EPHA6: variants seen among roughly 807,000 people sequenced by gnomAD.
The protein encoded by EPHA6 is EPH receptor A6, also known as ephrin type-A receptor 6.
A neutral mutation model predicts 112.0 loss-of-function variants in EPHA6; 50 were observed. That is an observed-to-expected ratio of 0.45 (90% CI 0.36 to 0.56). EPHA6 has a LOEUF of 0.56. Among genes scored for constraint, EPHA6 ranks in the 20% least tolerant of loss-of-function variants. EPHA6 has a pLI of 0.00. For synonymous variants in EPHA6, 529 were observed against 490.7 expected, an observed-to-expected ratio of 1.08 and a Z score of -1.03; for missense variants, 1,280 against 1,417.4, an observed-to-expected ratio of 0.90 and a Z score of 1.56.
In EPHA6 at chr3:97,685,872, A is replaced by T. The variant is rs544314003; in HGVS notation, c.2785-34389A>T. 7.2e-5 allele frequency among the ~76,000 whole-genome samples: 11 copies of T among 152,316 alleles called. No homozygotes were observed. The South Asian group carries it at 2.3e-3, about 32-fold the overall frequency. On this transcript the variant is annotated intron_variant, in intron 14 of 17. Transcript: ENST00000389672. ...TAGCCAAAGATTACACAATAATCAAATGCAAATCTAAGATTCATATCTAGG... is the reference window on the plus strand; with the variant it reads ...TAGCCAAAGATTACACAATAATCAATTGCAAATCTAAGATTCATATCTAGG...
At chr3:97,175,139 A>G (rs1341331860) in intron 3 of EPHA6, among the ~76,000 whole-genome samples, 1 of 151,912 alleles carries the variant, frequency 6.6e-6, no homozygotes, top group African/African-American at 2.4e-5. Context: ...TCCCAGCACC[A>G]TTTGTTGAAG....
chr3:97,022,348 C>T (rs2044491984), intron 3 of EPHA6, among the ~76,000 whole-genome samples: 1 of 152,172 alleles, frequency 6.6e-6, no homozygotes, highest in Admixed American at 6.5e-5. Context: ...TAGGTAGCAT[C>T]TTCCTTGACT....
chr3:97,462,965 TGAC>T (rs1396426464), intron 7 of EPHA6, among the ~76,000 whole-genome samples: 3 of 152,136 alleles, frequency 2.0e-5, no homozygotes, highest in African/African-American at 7.2e-5. Context: ...TGTGAATCTT[TGAC>T]AACTACTTAT....
chr3:97,133,482 A>G (rs1429275135), intron 3 of EPHA6, among the ~76,000 whole-genome samples: 2 of 152,080 alleles, frequency 1.3e-5, no homozygotes, highest in East Asian at 1.9e-4. Context: ...AGAAAAATGT[A>G]CAGTTGACAC....
At chr3:97,474,570 C>T (rs1390441325) in intron 7 of EPHA6, among the ~76,000 whole-genome samples, 1 of 151,690 alleles carries the variant, frequency 6.6e-6, no homozygotes, top group Non-Finnish European at 1.5e-5. Flanking sequence ...GCCTATTCCA[C>T]TCATTGAAAA....
At chr3:96,833,911 T>C (rs2034243644) in intron 1 of EPHA6, among the ~76,000 whole-genome samples, 1 of 152,046 alleles carries the variant, frequency 6.6e-6, no homozygotes, top group Non-Finnish European at 1.5e-5. Flanking sequence ...ACAAGTATTA[T>C]GTACCCCTAA....
Position 97,714,213 on chromosome 3 carries a change from A to G in EPHA6, c.2785-6048A>G, listed in dbSNP as rs78058044. On this transcript the variant is annotated intron_variant, in intron 14 of 17. Coordinates refer to ENST00000389672, the MANE Select transcript of EPHA6 (RefSeq NM_001080448.3). ...AAAAAAGACAAACTTTGGATACATA[A>G]TTAAGGAAACAGATAACATTTACTG... Among the ~76,000 whole-genome samples, 3 of 152,222 alleles carry G rather than the reference A, an allele frequency of 2.0e-5. No individual in the cohort carries two copies. In the East Asian group the frequency reaches 5.8e-4, roughly 29 times the overall value.
At chr3:97,534,969 C>G (rs574149830) in intron 11 of EPHA6, among the ~76,000 whole-genome samples, 1 of 151,914 alleles carries the variant, frequency 6.6e-6, no homozygotes, top group African/African-American at 2.4e-5. Context: ...AGCGTCATAT[C>G]TTTATTTTCT....
intron 11 of EPHA6, among the ~76,000 whole-genome samples, chr3:97,591,663 T>A (rs2093545866): frequency 6.6e-6 from 1 of 152,210 alleles, no homozygotes; most frequent in Non-Finnish European, 1.5e-5. Context: ...GTATTAAATT[T>A]TCATCTGAGT....
At chr3:97,254,396 G>A (rs2108604872) in intron 5 of EPHA6, among the ~76,000 whole-genome samples, 1 of 152,268 alleles carries the variant, frequency 6.6e-6, no homozygotes, top group South Asian at 2.1e-4. Context: ...CACCATGTTA[G>A]CCATGATGGT....
chr3:96,983,754 T>A (rs567157598), intron 2 of EPHA6, among the ~76,000 whole-genome samples: 1 of 152,338 alleles, frequency 6.6e-6, no homozygotes, highest in East Asian at 1.9e-4. Flanking sequence ...GTTCATTTCT[T>A]TTTATTCTGT....
chr3:96,889,809 A>G (rs2107535835), intron 2 of EPHA6, among the ~76,000 whole-genome samples: 1 of 152,326 alleles, frequency 6.6e-6, no homozygotes, highest in African/African-American at 2.4e-5. Flanking sequence ...ATACCCCAGT[A>G]CAATATTGGT....
At chr3:97,621,863 G>T (rs2093816740) in intron 13 of EPHA6, among the ~76,000 whole-genome samples, 1 of 151,812 alleles carries the variant, frequency 6.6e-6, no homozygotes, top group Non-Finnish European at 1.5e-5. Context: ...TCAATGGCTT[G>T]GTCCCAGGCA....
At chr3:97,316,707 T>C (rs2081858918) in intron 5 of EPHA6, among the ~76,000 whole-genome samples, 1 of 151,994 alleles carries the variant, frequency 6.6e-6, no homozygotes, top group Non-Finnish European at 1.5e-5. Context: ...TAATGTGAAA[T>C]CAACTTTGTT....
chr3:97,349,855 G>T (rs72926345), intron 5 of EPHA6, among the ~76,000 whole-genome samples: 1 of 151,876 alleles, frequency 6.6e-6, no homozygotes, highest in Non-Finnish European at 1.5e-5. Context: ...TGTTCCAGAC[G>T]TGATAAAAAT....
At chr3:97,401,509 G>A (rs1248963277) in intron 5 of EPHA6, among the ~76,000 whole-genome samples, 1 of 151,452 alleles carries the variant, frequency 6.6e-6, no homozygotes. Context: ...GTATTCTTGT[G>A]GTATCAGTTA....
chr3:97,705,289 C>T (rs1390940685), intron 14 of EPHA6, among the ~76,000 whole-genome samples: 4 of 152,088 alleles, frequency 2.6e-5, no homozygotes, highest in African/African-American at 9.7e-5. Flanking sequence ...TCTCTCACAC[C>T]TCTTTCATTC....
chr3:96,868,138 A>G (rs906758230), intron 2 of EPHA6, among the ~76,000 whole-genome samples: 1 of 151,116 alleles, frequency 6.6e-6, no homozygotes, highest in Non-Finnish European at 1.5e-5. Context: ...AAACTTTTCT[A>G]AAATACCTTT....
chr3:97,254,015 A>AT (rs2079224228), intron 5 of EPHA6, among the ~76,000 whole-genome samples: 1 of 152,092 alleles, frequency 6.6e-6, no homozygotes, highest in Non-Finnish European at 1.5e-5. Flanking sequence ...TTCTCATTCT[A>AT]TTTTTATGAG....
Sources: allele counts gnomAD v4.1 joint callset (sites outside exome capture counted in the v4.1 genomes callset), GRCh38; gene constraint gnomAD v4.1.1; transcripts MANE v1.5; gene names NCBI Gene and HGNC (gene_info 2026-07-23, HGNC 2026-07-21).